Variants in ROBO1 observed in about 807,000 individuals in gnomAD.
ROBO1 encodes roundabout homolog 1.
Under a neutral mutation model 195.9 loss-of-function variants are expected in ROBO1, and 149 were observed. The observed-to-expected ratio is 0.76, with a 90% CI of 0.67 to 0.87. The LOEUF is 0.87. Ranked by LOEUF, ROBO1 falls within the 40% of genes least tolerant of loss-of-function variation. The pLI, the probability that ROBO1 is intolerant of heterozygous loss-of-function variation, is 0.00. For synonymous variants in ROBO1, 816 were observed against 733.2 expected, an observed-to-expected ratio of 1.11 and a Z score of -1.82; for missense variants, 1,933 against 2,068.3, an observed-to-expected ratio of 0.93 and a Z score of 1.27.
At chr3:79,432,776 A>G (rs2038728246) in intron 2 of ROBO1, among the ~76,000 whole-genome samples, 1 of 152,066 alleles carries the variant, frequency 6.6e-6, no homozygotes, top group Non-Finnish European at 1.5e-5. Flanking sequence ...AGAAAAATCA[A>G]TGCCACAATA....
At chr3:78,904,479 G>A (rs2037771796) in intron 4 of ROBO1, among the ~76,000 whole-genome samples, 1 of 151,934 alleles carries the variant, frequency 6.6e-6, no homozygotes, top group African/African-American at 2.4e-5. Flanking sequence ...GATGTAACTA[G>A]GGGAGAAAAA....
intron 3 of ROBO1, among the ~76,000 whole-genome samples, chr3:78,942,905 C>T (rs1006082784): frequency 6.6e-6 from 1 of 151,980 alleles, no homozygotes; most frequent in African/African-American, 2.4e-5. Context: ...TAGTGAGACC[C>T]CATCTCTAAA....
At chr3:79,137,373 C>G (rs752598559) in intron 2 of ROBO1, among the ~76,000 whole-genome samples, 1 of 151,066 alleles carries the variant, frequency 6.6e-6, no homozygotes. Context: ...GATGCCAGGA[C>G]GTTACTAAAT....
At chr3:78,662,245 A>G (rs1575868169) in intron 14 of ROBO1, 131 bp from the exon 15 acceptor site, 7 of 39,748 alleles carry the variant, frequency 1.8e-4, no homozygotes, top group South Asian at 1.7e-3. Flanking sequence ...TGTGATTCGG[A>G]AAAAAAAAAA....
intron 2 of ROBO1, among the ~76,000 whole-genome samples, chr3:79,436,791 A>C (rs1333513170): frequency 3.9e-5 from 6 of 152,078 alleles, no homozygotes; most frequent in African/African-American, 1.4e-4. Flanking sequence ...CCTCATATCA[A>C]AAAAGGCATT....
intron 1 of ROBO1, among the ~76,000 whole-genome samples, chr3:79,691,138 T>C (rs531088455): frequency 3.9e-5 from 6 of 151,994 alleles, no homozygotes; most frequent in African/African-American, 7.2e-5. Flanking sequence ...CAAGTCCCTG[T>C]ATTTTATAAC....
intron 2 of ROBO1, among the ~76,000 whole-genome samples, chr3:79,502,141 G>A (rs960195610): frequency 2.6e-5 from 4 of 152,200 alleles, no homozygotes; most frequent in Non-Finnish European, 5.9e-5. Flanking sequence ...CTCGGCCTTG[G>A]CGCCCACTCT....
chr3:78,810,239 A>G (rs879331285), intron 4 of ROBO1, among the ~76,000 whole-genome samples: 1 of 152,186 alleles, frequency 6.6e-6, no homozygotes, highest in Non-Finnish European at 1.5e-5. Context: ...CTATGCTATT[A>G]ATTTGTTTGG....
chr3:78,990,756 A>G (rs1240678202), intron 3 of ROBO1, among the ~76,000 whole-genome samples: 3 of 152,182 alleles, frequency 2.0e-5, no homozygotes. Context: ...AAAAAACTAC[A>G]TACCAGGCTA....
At position 78,667,921 on chromosome 3, in the gene ROBO1, C is replaced by G; in HGVS notation, c.1928G>C (p.Ser643Thr). The G allele has an allele frequency of 6.2e-7, 1 of 1,613,736 alleles. No individual in the cohort carries two copies. Among genetic ancestry groups the G allele is most frequent in the Non-Finnish European group, 8.5e-7 (1 of 1,179,744 alleles). ...TGGATCTGATATTTGGCTTGGATCA[C>G]TAATTCCATATGCATTAGCTGCCCT... Reference protein sequence around the residue: ...LVRAANAYGISDPSQISDPVK... With the variant: ...LVRAANAYGITDPSQISDPVK... Residue 643 changes from serine (S) to threonine (T), a missense_variant, in exon 14 of 31, where the codon AGT (serine) becomes ACT (threonine). Around this residue, in one of 3 missense-constraint regions of ROBO1, gnomAD observed 1,737 missense variants for 1,882.5 expected, o/e 0.92. Transcript: ENST00000464233.
At chr3:78,969,299 G>A (rs2076713036) in intron 3 of ROBO1, among the ~76,000 whole-genome samples, 1 of 152,092 alleles carries the variant, frequency 6.6e-6, no homozygotes, top group Admixed American at 6.6e-5. Flanking sequence ...ATTAAAATCA[G>A]GTCCCTACAT....
intron 2 of ROBO1, among the ~76,000 whole-genome samples, chr3:79,361,653 G>A (rs1054369874): frequency 7.9e-5 from 12 of 152,056 alleles, no homozygotes; most frequent in African/African-American, 2.9e-4. Context: ...TGATAAAAAT[G>A]TCAGTATAGA....
chr3:79,475,985 G>A (rs868218121), intron 2 of ROBO1, among the ~76,000 whole-genome samples: 1 of 151,898 alleles, frequency 6.6e-6, no homozygotes, highest in Admixed American at 6.6e-5. Context: ...AAAATAAATG[G>A]AGTTAAAATG....
intron 3 of ROBO1, among the ~76,000 whole-genome samples, chr3:78,960,206 A>T (rs1372716108): frequency 6.6e-6 from 1 of 151,996 alleles, no homozygotes; most frequent in Non-Finnish European, 1.5e-5. Context: ...ATTTAAACTT[A>T]ATTTTTTTAA....
intron 3 of ROBO1, among the ~76,000 whole-genome samples, chr3:78,952,527 C>G (rs1050756656): frequency 4.6e-5 from 7 of 151,836 alleles, no homozygotes; most frequent in Non-Finnish European, 1.0e-4. Context: ...CTGTAATTTT[C>G]CTGTCAGAAT....
rs553827956 is a variant in ROBO1, at chr3:78,901,297, C to T, written c.499+37304G>A. Among the ~76,000 whole-genome samples the T allele has an allele frequency of 9.2e-5, 14 of 152,112 alleles. No homozygotes were observed. In the East Asian group the frequency reaches 2.3e-3, roughly 25 times the overall value. On this transcript the variant is annotated intron_variant, in intron 4 of 30. Coordinates refer to ENST00000464233, the MANE Select transcript of ROBO1 (RefSeq NM_002941.4). ...AAATATTAGGAAGCTAATTGACCCACGAAATATCATCAGGAATTTTCATTC... is the reference window on the plus strand; with the variant it reads ...AAATATTAGGAAGCTAATTGACCCATGAAATATCATCAGGAATTTTCATTC...
chr3:79,463,887 T>C (rs1937798544), intron 2 of ROBO1, among the ~76,000 whole-genome samples: 1 of 152,214 alleles, frequency 6.6e-6, no homozygotes, highest in South Asian at 2.1e-4. Flanking sequence ...TTGATCACTT[T>C]CACATGCTAA....
intron 2 of ROBO1, among the ~76,000 whole-genome samples, chr3:79,471,826 G>C (rs1248770181): frequency 1.3e-5 from 2 of 151,746 alleles, no homozygotes; most frequent in Non-Finnish European, 2.9e-5. Flanking sequence ...TCAGCAAACT[G>C]TCACAAGAAC....
At chr3:78,712,840 AC>A (rs2081797431) in intron 8 of ROBO1, among the ~76,000 whole-genome samples, 1 of 152,208 alleles carries the variant, frequency 6.6e-6, no homozygotes, top group Non-Finnish European at 1.5e-5. Flanking sequence ...TACTGTATAC[AC>A]AGTAGAATAG....
Sources: gnomAD v4.1 joint callset for allele counts (sites outside exome capture counted in the v4.1 genomes callset) on GRCh38, gnomAD v4.1.1 for gene constraint, gnomAD v4.1.1 regional missense constraint, MANE v1.5 for transcripts, NCBI Gene and HGNC (gene_info 2026-07-23, HGNC 2026-07-21) for gene names.